ARHGEF3: variants seen among roughly 807,000 people sequenced by gnomAD.
ARHGEF3 encodes the protein 59.8 kDA protein.
A neutral mutation model predicts 63.2 loss-of-function variants in ARHGEF3; 28 were observed. The ratio of observed to expected loss-of-function variants is 0.44; its 90% CI spans 0.33 to 0.61. The LOEUF is 0.61. Among genes scored for constraint, ARHGEF3 ranks in the 20% least tolerant of loss-of-function variants. ARHGEF3 has a pLI of 0.03. For synonymous variants in ARHGEF3, 266 were observed against 254.2 expected (o/e 1.05, Z -0.44); for missense variants, 533 against 659.3 (o/e 0.81, Z 2.10).
chr3:56,970,690 T>C (rs1385763297), intron 2 of ARHGEF3, among the ~76,000 whole-genome samples: 1 of 152,250 alleles, frequency 6.6e-6, no homozygotes, highest in Non-Finnish European at 1.5e-5. Context: ...GTATTTTAGC[T>C]TCCTGCGAAG....
chr3:56,957,602 T>C (rs551397270), intron 3 of ARHGEF3, among the ~76,000 whole-genome samples: 1 of 152,266 alleles, frequency 6.6e-6, no homozygotes, highest in Admixed American at 6.5e-5. Context: ...TAAATTTCAG[T>C]AAGGACTAAG....
intron 4 of ARHGEF3, among the ~76,000 whole-genome samples, chr3:56,827,721 G>T (rs2038773656): frequency 8.5e-6 from 1 of 117,950 alleles, no homozygotes; most frequent in Admixed American, 1.2e-4. Flanking sequence ...TCAGAGACCA[G>T]CCTGGGCAAC....
Position 56,958,874 on chromosome 3 carries a change from CCG to C in ARHGEF3, c.76_77del (p.Arg26AlafsTer11), listed in dbSNP as rs1379792915. ...AGGGAAACATGGGAAAGTTGTTTTG[CCG>C]CTGCCGTTTAGGCCTAGAAGAGAAA... On this transcript the variant is annotated frameshift_variant, in exon 3 of 13. Transcript: ENST00000338458. LOFTEE classifies it high-confidence loss of function. 2 of 1,551,380 alleles carry C rather than the reference CCG, an allele frequency of 1.3e-6. No homozygotes were observed. Among genetic ancestry groups the C allele is most frequent in the Non-Finnish European group, 1.7e-6 (2 of 1,146,822 alleles).
chr3:56,745,458 G>C lies in ARHGEF3; in HGVS notation c.617C>G (p.Pro206Arg). Residue 206 changes from proline to arginine, a missense_variant, in exon 7 of 10, where the codon CCT (proline) becomes CGT (arginine). Coordinates refer to ENST00000296315, the MANE Select transcript of ARHGEF3 (RefSeq NM_019555.3). ...HVGPILVGWL[P>R]CLSSYDSYCS... ...GTAGCTATCATAGGAGCTGAGGCAA[G>C]GGAGCTAAGAAGGAAACAGAAAGAG... 1 of 1,613,444 alleles carries C rather than the reference G, an allele frequency of 6.2e-7. No homozygotes were observed. Among genetic ancestry groups the C allele is most frequent in the Non-Finnish European group, 8.5e-7 (1 of 1,179,698 alleles).
At chr3:56,735,988 GA>G (rs1310608416) in intron 8 of ARHGEF3, among the ~76,000 whole-genome samples, 4 of 151,776 alleles carry the variant, frequency 2.6e-5, no homozygotes, top group Admixed American at 2.6e-4. Flanking sequence ...AGATACTGAA[GA>G]TGAAATACAA....
chr3:56,983,937 G>GA (rs11401240), intron 2 of ARHGEF3, among the ~76,000 whole-genome samples: 35,250 of 112,462 alleles, frequency 0.31, 5,935 homozygotes, highest in Admixed American at 0.36. Context: ...TCCGTCTCGA[G>GA]AAAAAAAAAA....
chr3:56,814,519 A>G (rs2038194254), intron 4 of ARHGEF3, among the ~76,000 whole-genome samples: 1 of 152,176 alleles, frequency 6.6e-6, no homozygotes, highest in South Asian at 2.1e-4. Flanking sequence ...AGCATCTATA[A>G]AATGGGGATA....
chr3:56,736,316 T>C (rs1406458421), intron 8 of ARHGEF3, among the ~76,000 whole-genome samples: 1 of 152,110 alleles, frequency 6.6e-6, no homozygotes, highest in South Asian at 2.1e-4. Context: ...TATTAAGTGC[T>C]CCAAGGGAGA....
chr3:56,984,373 T>A (rs1701451910), intron 2 of ARHGEF3, among the ~76,000 whole-genome samples: 1 of 152,076 alleles, frequency 6.6e-6, no homozygotes, highest in Admixed American at 6.6e-5. Context: ...AGCCCCTCAA[T>A]CCATGATGGA....
At chr3:56,738,822 G>A (rs1311301387) in intron 7 of ARHGEF3, among the ~76,000 whole-genome samples, 2 of 152,096 alleles carry the variant, frequency 1.3e-5, no homozygotes, top group East Asian at 3.9e-4. Flanking sequence ...CAGGCACGGT[G>A]GCTCATGCCT....
In ARHGEF3 at chr3:56,944,568, CTTTTTTTTTTTT is replaced by C. The variant is rs1205155655; in HGVS notation, c.129+14243_129+14254del. On this transcript the variant is annotated intron_variant, in intron 3 of 12. Transcript: ENST00000338458. ...TATGGATGAGCAAAGAAAGTGGTTT[CTTTTTTTTTTTT>C]TTTTTTTTTTTTGTGAGACAAAGTC... Among the ~76,000 whole-genome samples, 8 of 65,836 alleles carry C rather than the reference CTTTTTTTTTTTT, an allele frequency of 1.2e-4. 1 individual carries two copies. In the South Asian group the frequency reaches 6.2e-3, roughly 51 times the overall value. 43.2% of individuals were successfully genotyped at this position (65,836 alleles called of 152,430 possible).
chr3:56,743,624 C>T (rs1343589253), intron 7 of ARHGEF3, among the ~76,000 whole-genome samples: 1 of 152,114 alleles, frequency 6.6e-6, no homozygotes, highest in Admixed American at 6.6e-5. Context: ...ATACTCAATG[C>T]CAGCAATTAT....
intron 3 of ARHGEF3, among the ~76,000 whole-genome samples, chr3:56,885,443 T>C (rs1357104720): frequency 6.6e-6 from 1 of 152,198 alleles, no homozygotes; most frequent in Non-Finnish European, 1.5e-5. Context: ...TGCTGCAACC[T>C]GGTATTACCA....
At chr3:56,799,367 A>G (rs2037528774) in intron 1 of ARHGEF3, among the ~76,000 whole-genome samples, 1 of 152,210 alleles carries the variant, frequency 6.6e-6, no homozygotes, top group African/African-American at 2.4e-5. Context: ...CGGCCATTAA[A>G]TGTTTAAAGG....
intron 1 of ARHGEF3, chr3:57,076,993 C>T (rs1706250904): frequency 1.3e-5 from 2 of 152,184 alleles, no homozygotes; most frequent in Admixed American, 6.5e-5. Context: ...CTGCTTTGGA[C>T]AGAGTGGTCA....
intron 2 of ARHGEF3, among the ~76,000 whole-genome samples, chr3:56,764,261 G>C (rs567423359): frequency 6.6e-6 from 1 of 152,140 alleles, no homozygotes; most frequent in Non-Finnish European, 1.5e-5. Flanking sequence ...GGCTTCCAGA[G>C]GCTTGGGGCA....
chr3:56,773,963 T>C (rs1392477786), intron 1 of ARHGEF3, 147 bp from the exon 2 acceptor site: 2 of 643,092 alleles, frequency 3.1e-6, no homozygotes, highest in Non-Finnish European at 4.9e-6. Flanking sequence ...ACTCTGGCTG[T>C]ATGGAGATGA....
chr3:57,071,188 G>C (rs569958323), intron 1 of ARHGEF3, among the ~76,000 whole-genome samples: 3 of 152,224 alleles, frequency 2.0e-5, no homozygotes, highest in South Asian at 4.1e-4. Context: ...TTTTTGACAA[G>C]AGTGTCAAAA....
In ARHGEF3 at chr3:56,754,965, T is replaced by G. The variant is rs1382291999; in HGVS notation, c.375+16A>C. 6.2e-7 allele frequency: 1 copy of G among 1,613,956 alleles called. No individual in the cohort carries two copies. Among genetic ancestry groups the G allele is most frequent in the Non-Finnish European group, 8.5e-7 (1 of 1,179,992 alleles). ...TGTTCCAGACACACAGCCAGCTCCA[T>G]GGGCCCCGAGCCTACCTCCTGACGT... On this transcript the variant is annotated intron_variant, in intron 3 of 9. Coordinates refer to ENST00000296315, the MANE Select transcript of ARHGEF3 (RefSeq NM_019555.3).
Sources: gnomAD v4.1 joint callset for allele counts (sites outside exome capture counted in the v4.1 genomes callset) on GRCh38, gnomAD v4.1.1 for gene constraint, MANE v1.5 for transcripts, NCBI Gene and HGNC (gene_info 2026-07-23, HGNC 2026-07-21) for gene names.